The following PCDHGB3 variants were observed in gnomAD, a reference collection of about 807,000 sequenced individuals.
PCDHGB3 encodes protocadherin gamma-B3.
In PCDHGB3, 40 loss-of-function variants were observed where a neutral mutation model predicts 59.2. That is an observed-to-expected ratio of 0.68 (90% CI 0.52 to 0.88). The LOEUF (loss-of-function observed/expected upper bound fraction) is 0.88, where lower values mean the gene tolerates loss of function less well. Among genes scored for constraint, PCDHGB3 ranks in the 40% least tolerant of loss-of-function variants. PCDHGB3 has a pLI of 0.00. For synonymous variants in PCDHGB3, 581 were observed against 503.6 expected (o/e 1.15, Z -2.06); for missense variants, 1,309 against 1,187.9 (o/e 1.10, Z -1.50).
At chr5:141,501,290 TACACACACACACACACACACACACAC>T (rs55762287) in intron 2 of PCDHGB3, among the ~76,000 whole-genome samples, 1 of 136,164 alleles carries the variant, frequency 7.3e-6, no homozygotes, top group Non-Finnish European at 1.6e-5. Flanking sequence ...TATTCCCTTA[TACACACACACACACACACACACACAC>T]ACACACACAC....
rs2099629540 is a variant in PCDHGB3, at chr5:141,486,436, T to C, written c.2416-8371T>C. 2 of 1,614,188 alleles carry C rather than the reference T, an allele frequency of 1.2e-6. No individual in the cohort carries two copies. The highest frequency in any genetic ancestry group is 1.7e-6 in the Non-Finnish European group (2 of 1,180,020). On this transcript the variant is annotated intron_variant, in intron 1 of 3. Coordinates refer to ENST00000576222, the MANE Select transcript of PCDHGB3 (RefSeq NM_018924.5). This position sits in a 1 kb window ranked among gnomAD's most constrained non-coding sequence, Gnocchi z 5.0. ...TGGATCGAGAGGCCAAATCTAGCTA[T>C]GACATCATGGTCACTGCTTCTGATG... is the stretch of plus-strand genomic sequence containing the variant.
At chr5:141,422,074 C>A (rs886758924) in intron 1 of PCDHGB3, 1 of 1,612,264 alleles carries the variant, frequency 6.2e-7, no homozygotes, top group African/African-American at 1.3e-5. Flanking sequence ...GTATTCATTT[C>A]GGAACATGGA....
chr5:141,472,579 G>T (rs1172183592), intron 1 of PCDHGB3, among the ~76,000 whole-genome samples: 3 of 151,928 alleles, frequency 2.0e-5, no homozygotes, highest in Non-Finnish European at 4.4e-5. Context: ...GCATCTCATT[G>T]GTCAGAAGCT....
intron 2 of PCDHGB3, among the ~76,000 whole-genome samples, chr5:141,500,893 A>G (rs1393294152): frequency 1.1e-5 from 1 of 94,848 alleles, no homozygotes; most frequent in Non-Finnish European, 2.0e-5. Context: ...TTTTTTTGAG[A>G]CAGTCTCGCT....
At chr5:141,458,438 C>T (rs2098945825) in intron 1 of PCDHGB3, among the ~76,000 whole-genome samples, 1 of 152,024 alleles carries the variant, frequency 6.6e-6, no homozygotes, top group Non-Finnish European at 1.5e-5. Flanking sequence ...GAGGAGGTCC[C>T]CCACATTAAC....
At chr5:141,382,861 TC>T in intron 1 of PCDHGB3, 1 of 1,514,402 alleles carries the variant, frequency 6.6e-7, no homozygotes, top group South Asian at 1.3e-5. Flanking sequence ...CTGAAGCACT[TC>T]CCGAGATCGG....
At position 141,413,510 on chromosome 5, in the gene PCDHGB3, T is replaced by G. The variant is rs372002880; in HGVS notation, c.2415+40701T>G. On this transcript the variant is annotated intron_variant, in intron 1 of 3. Transcript: ENST00000576222. ...GCGCGGTGCGTGGTGAGTTTTAATA[T>G]CCTTGTGGAAGACAGGGTGAAACTT... The G allele has an allele frequency of 5.4e-5, 87 of 1,613,876 alleles. No individual in the cohort carries two copies. Among genetic ancestry groups the G allele is most frequent in the Middle Eastern group, 1.6e-4 (1 of 6,084 alleles).
intron 1 of PCDHGB3, chr5:141,400,262 G>A: frequency 6.2e-7 from 1 of 1,614,032 alleles, no homozygotes; most frequent in Non-Finnish European, 8.5e-7. Flanking sequence ...TTGCGCCTGC[G>A]ACGCTCCTCC....
In PCDHGB3 at chr5:141,487,680, A is replaced by G; in HGVS notation, c.2416-7127A>G. On this transcript the variant is annotated intron_variant, in intron 1 of 3. Coordinates refer to ENST00000576222, the MANE Select transcript of PCDHGB3 (RefSeq NM_018924.5). This position sits in a 1 kb window ranked among gnomAD's most constrained non-coding sequence, Gnocchi z 5.0. ...TCTGATCCAGGCATATGGCTAGGCC[A>G]TGTCCTAGAGAGTACTGGCCTCTCA... 6.2e-7 allele frequency: 1 copy of G among 1,609,370 alleles called. No individual in the cohort carries two copies. The highest frequency in any genetic ancestry group is 2.2e-5 in the East Asian group (1 of 44,826).
intron 1 of PCDHGB3, chr5:141,389,438 C>T (rs781427097): frequency 6.2e-7 from 1 of 1,610,592 alleles, no homozygotes; most frequent in South Asian, 1.1e-5. Flanking sequence ...AGCGCGCCTT[C>T]GACCACGAGC....
intron 1 of PCDHGB3, chr5:141,411,352 C>T (rs1002274073): frequency 2.6e-5 from 4 of 152,176 alleles, no homozygotes; most frequent in African/African-American, 9.7e-5. Flanking sequence ...GAAAGTATCA[C>T]TTGAGCCCAA....
At position 141,370,428 on chromosome 5, in the gene PCDHGB3, G is replaced by A; in HGVS notation, c.34G>A (p.Gly12Arg). The A allele has an allele frequency of 6.3e-7, 1 of 1,598,310 alleles. No individual in the cohort carries two copies. The highest frequency in any genetic ancestry group is 8.5e-7 in the Non-Finnish European group (1 of 1,171,748). The change falls in exon 1 of 4, where the codon GGG becomes AGG. Residue 12 changes from glycine to arginine, a missense_variant. Gly to Arg is a moderately radical substitution (Grantham distance 125). Coordinates refer to ENST00000576222, the MANE Select transcript of PCDHGB3 (RefSeq NM_018924.5). Reference protein sequence around the residue: ...GNSSGWRGPAGQRRMLFLFLL... With the variant: ...GNSSGWRGPARQRRMLFLFLL... ...TAGCTCCGGATGGAGGGGCCCAGCAGGGCAGAGGCGAATGCTATTTCTCTT... is the reference window on the plus strand; with the variant it reads ...TAGCTCCGGATGGAGGGGCCCAGCAAGGCAGAGGCGAATGCTATTTCTCTT...
intron 1 of PCDHGB3, chr5:141,376,904 G>A (rs1773512555): frequency 5.3e-6 from 1 of 188,504 alleles, no homozygotes; most frequent in African/African-American, 2.4e-5. Context: ...AGCCAGGATG[G>A]TCTCGATCTC....
chr5:141,421,749 C>T, intron 1 of PCDHGB3: 1 of 1,613,918 alleles, frequency 6.2e-7, no homozygotes, highest in Non-Finnish European at 8.5e-7. Flanking sequence ...ACCAGCTCAG[C>T]CCTAATAATT....
chr5:141,388,374 A>G (rs1169150224), intron 1 of PCDHGB3: 1 of 1,614,020 alleles, frequency 6.2e-7, no homozygotes, highest in South Asian at 1.1e-5. Flanking sequence ...GGATATTGGT[A>G]GCAACACACT....
chr5:141,410,781 T>C, intron 1 of PCDHGB3: 2 of 937,378 alleles, frequency 2.1e-6, no homozygotes, highest in Non-Finnish European at 1.5e-6. Flanking sequence ...TCACTATGTA[T>C]TTGGTTCATA....
chr5:141,448,190 C>T (rs1426828578), intron 1 of PCDHGB3, among the ~76,000 whole-genome samples: 1 of 152,118 alleles, frequency 6.6e-6, no homozygotes, highest in Non-Finnish European at 1.5e-5. Flanking sequence ...GTTATGTACA[C>T]TTACAAACAT....
intron 1 of PCDHGB3, among the ~76,000 whole-genome samples, chr5:141,380,542 T>G (rs182715146): frequency 6.6e-6 from 1 of 152,362 alleles, no homozygotes; most frequent in East Asian, 1.9e-4. Flanking sequence ...TTTGATACAA[T>G]GAGCTTATGT....
At chr5:141,494,223 C>T (rs1435042163) in intron 1 of PCDHGB3, among the ~76,000 whole-genome samples, 2 of 152,192 alleles carry the variant, frequency 1.3e-5, no homozygotes, top group African/African-American at 4.8e-5. Context: ...TGGCATGACT[C>T]CTAAATTAAT....
Sources: allele counts gnomAD v4.1 joint callset (sites outside exome capture counted in the v4.1 genomes callset), GRCh38; gene constraint gnomAD v4.1.1; non-coding constraint Gnocchi (gnomAD v3.1); transcripts MANE v1.5; gene names NCBI Gene and HGNC (gene_info 2026-07-23, HGNC 2026-07-21).